The following KRTAP1-3 variants were observed in gnomAD, a reference collection of about 807,000 sequenced individuals.
KRTAP1-3 encodes the protein keratin associated protein 1-3, also known as keratin-associated protein 1-3.
A neutral mutation model predicts 11.8 loss-of-function variants in KRTAP1-3; 10 were observed. The observed-to-expected ratio is 0.85, with a 90% CI of 0.52 to 1.44. The LOEUF is 1.44. Among genes scored for constraint, KRTAP1-3 ranks in the 40% most tolerant of loss-of-function variants. The probability of loss-of-function intolerance (pLI) is 0.00; values close to 1 mark genes in which losing one functional copy is unlikely to be tolerated. For missense variants in KRTAP1-3, 176 were observed against 217.2 expected, an observed-to-expected ratio of 0.81 and a Z score of 1.19; for synonymous variants, 74 against 77.3, an observed-to-expected ratio of 0.96 and a Z score of 0.23.
In KRTAP1-3 at chr17:41,034,575, T is replaced by C. The variant is rs757647380; in HGVS notation, c.247A>G (p.Thr83Ala). Residue 83 changes from threonine (T) to alanine (A), a missense_variant, in exon 1 of 1, where the codon ACT becomes GCT. Physicochemically the swap from Thr to Ala is moderately conservative, Grantham distance 58. Transcript: ENST00000344363. The stretch of plus-strand genomic sequence containing the variant: ...ATGCCACCACCAATGCCACAGCCAG[T>C]TCCGCAGGAGCTGGTCTGGCAGCAG... ...PSCCQTSSCG[T>A]GCGIGGGIGY... is the part of the protein sequence containing the mutation. 1 of 1,612,408 alleles carries C rather than the reference T, an allele frequency of 6.2e-7. No individual in the cohort carries two copies. Among genetic ancestry groups the C allele is most frequent in the Non-Finnish European group, 8.5e-7 (1 of 1,179,782 alleles).
In KRTAP1-3 at chr17:41,034,707, A is replaced by G. The variant is rs768217715; in HGVS notation, c.115T>C (p.Cys39Arg). Reference protein sequence around the residue: ...CCETSCCQPSCCQTSFCGFPS... With the variant: ...CCETSCCQPSRCQTSFCGFPS... The stretch of plus-strand genomic sequence containing the variant: ...AATCCGCAGAAGCTGGTCTGGCAGC[A>G]GCTTGGCTGGCAGCAGCTGGTCTCA... The change falls in exon 1 of 1, where the codon TGC (cysteine) becomes CGC (arginine). Residue 39 changes from cysteine to arginine, a missense_variant. By Grantham distance (180) the Cys-to-Arg change is radical. Coordinates refer to ENST00000344363, the MANE Select transcript of KRTAP1-3 (RefSeq NM_030966.2). The G allele has an allele frequency of 6.2e-7, 1 of 1,610,412 alleles. No individual in the cohort carries two copies. The highest frequency in any genetic ancestry group is 8.5e-7 in the Non-Finnish European group (1 of 1,178,382).
At position 41,034,207 on chromosome 17, in the gene KRTAP1-3, C is replaced by G; in HGVS notation, c.*111G>C. On this transcript the variant is annotated 3_prime_UTR_variant, in exon 1 of 1. Transcript: ENST00000344363. Reference sequence around the variant, plus strand: ...TATTTGGTAACCCCCATAAGAAAGACAAAGAAAGGTTGAAGAATTTGTTCG... The same window carrying G: ...TATTTGGTAACCCCCATAAGAAAGAGAAAGAAAGGTTGAAGAATTTGTTCG... The G allele has an allele frequency of 7.2e-7, 1 of 1,383,114 alleles. No individual in the cohort carries two copies. The highest frequency in any genetic ancestry group is 9.7e-7 in the Non-Finnish European group (1 of 1,032,716). The allele number at this position is 1,383,114 out of a possible 1,614,324, so 85.7% of individuals were successfully genotyped here. A position where few individuals can be genotyped will look rare whatever the true frequency, so the allele number is the denominator to read the frequency against.
In KRTAP1-3 at chr17:41,034,039, T is replaced by G; in HGVS notation, c.*279A>C. ...CTCGTCGGCGCTGAGACTCAGAGCG[T>G]GGGCTTCAATGCTTGCAAAGGCTCA... On this transcript the variant is annotated 3_prime_UTR_variant, in exon 1 of 1. Coordinates refer to ENST00000344363, the MANE Select transcript of KRTAP1-3 (RefSeq NM_030966.2). 1 of 464,834 alleles carries G rather than the reference T, an allele frequency of 2.2e-6. No homozygotes were observed. The highest frequency in any genetic ancestry group is 3.7e-6 in the Non-Finnish European group (1 of 269,102). 28.8% of individuals were successfully genotyped at this position (464,834 alleles called of 1,614,324 possible).
Position 41,034,117 on chromosome 17 carries a change from G to T in KRTAP1-3, c.*201C>A. ...TCTTGGGTCAAATTTGTATTTTGGC[G>T]TCCTCAGAGAGAAGAGTAAGGTCTT... is the stretch of plus-strand genomic sequence containing the variant. On this transcript the variant is annotated 3_prime_UTR_variant, in exon 1 of 1. Transcript: ENST00000344363. 1 of 709,848 alleles carries T rather than the reference G, an allele frequency of 1.4e-6. No homozygotes were observed. The highest frequency in any genetic ancestry group is 2.1e-6 in the Non-Finnish European group (1 of 466,354). 44.0% of individuals were successfully genotyped at this position (709,848 alleles called of 1,614,324 possible).
In KRTAP1-3 at chr17:41,034,388, C is replaced by T. The variant is rs757202386; in HGVS notation, c.434G>A (p.Arg145His). 25 of 1,611,784 alleles carry T rather than the reference C, an allele frequency of 1.6e-5. No homozygotes were observed. Among genetic ancestry groups the T allele is most frequent in the East Asian group, 6.7e-5 (3 of 44,860 alleles). ...GCAGGACTGTCCACAGTAGGATGGG[C>T]GGCAGCAGGAGGCCTCGGCGTGGTG... Reference protein sequence around the residue: ...QLHHAEASCCRPSYCGQSCCR... With the variant: ...QLHHAEASCCHPSYCGQSCCR... The change falls in exon 1 of 1, where the codon CGC (arginine) becomes CAC (histidine). Residue 145 changes from arginine to histidine, a missense_variant. Transcript: ENST00000344363.
Position 41,034,801 on chromosome 17 carries a change from G to A in KRTAP1-3, c.21C>T (p.Ser7=). The A allele has an allele frequency of 2.5e-6, 4 of 1,607,076 alleles. No individual in the cohort carries two copies. The highest frequency in any genetic ancestry group is 3.4e-6 in the Non-Finnish European group (4 of 1,177,156). ...TGGAGCAGCTGGGATATCCACAGAAGCTGGTCTGGCAGCAGGTCATGGTGT... is the reference window on the plus strand; with the variant it reads ...TGGAGCAGCTGGGATATCCACAGAAACTGGTCTGGCAGCAGGTCATGGTGT... MTCCQT[S]FCGYPSCSTS... Residue 7 remains serine, a synonymous_variant, in exon 1 of 1, where the codon AGC becomes AGT. Transcript: ENST00000344363.
chr17:41,034,538 T>A lies in KRTAP1-3; in HGVS notation c.284A>T (p.Gln95Leu), dbSNP rs2012522102. The A allele has an allele frequency of 6.2e-7, 1 of 1,612,046 alleles. No homozygotes were observed. The change falls in exon 1 of 1, where the codon CAG becomes CTG. Residue 95 changes from glutamine (Q) to leucine (L), a missense_variant. Coordinates refer to ENST00000344363, the MANE Select transcript of KRTAP1-3 (RefSeq NM_030966.2). ...CGIGGGIGYG[Q>L]EGSSGAVSTR... Reference sequence around the variant, plus strand: ...GCTCACAGCTCCACTGCTGCCCTCCTGGCCATAGCCAATGCCACCACCAAT... The same window carrying A: ...GCTCACAGCTCCACTGCTGCCCTCCAGGCCATAGCCAATGCCACCACCAAT...
At position 41,034,769 on chromosome 17, in the gene KRTAP1-3, C is replaced by G. The variant is rs755496349; in HGVS notation, c.53G>C (p.Gly18Ala). 1 of 1,611,076 alleles carries G rather than the reference C, an allele frequency of 6.2e-7. No homozygotes were observed. Among genetic ancestry groups the G allele is most frequent in the South Asian group, 1.1e-5 (1 of 90,692 alleles). The change falls in exon 1 of 1, where the codon GGG becomes GCG. Residue 18 changes from glycine to alanine, a missense_variant. Transcript: ENST00000344363. ...FCGYPSCSTS[G>A]TCGSSCCQPS... ...CTGGCAGCAGCTGGAGCCGCATGTC[C>G]CACTGGTGGAGCAGCTGGGATATCC...
In KRTAP1-3 at chr17:41,034,306, G is replaced by C. The variant is rs957957869; in HGVS notation, c.*12C>G. The C allele has an allele frequency of 7.2e-6, 11 of 1,534,290 alleles. No individual in the cohort carries two copies. In the African/African-American group the frequency reaches 1.2e-4, roughly 17 times the overall value. On this transcript the variant is annotated 3_prime_UTR_variant, in exon 1 of 1. Transcript: ENST00000344363. ...AGTGGAAATTTCAAGTTGAAAATCA[G>C]CAAACTGGCTTTTAGCAGGTGGGCT...
Position 41,034,711 on chromosome 17 carries a change from T to A in KRTAP1-3, c.111A>T (p.Pro37=). 1 of 1,609,828 alleles carries A rather than the reference T, an allele frequency of 6.2e-7. No homozygotes were observed. The highest frequency in any genetic ancestry group is 8.5e-7 in the Non-Finnish European group (1 of 1,178,242). ...PSCCETSCCQ[P]SCCQTSFCGF... ...CGCAGAAGCTGGTCTGGCAGCAGCTTGGCTGGCAGCAGCTGGTCTCACAGC... is the reference window on the plus strand; with the variant it reads ...CGCAGAAGCTGGTCTGGCAGCAGCTAGGCTGGCAGCAGCTGGTCTCACAGC... Residue 37 remains proline, a synonymous_variant, in exon 1 of 1, where the codon CCA becomes CCT. Transcript: ENST00000344363.
At position 41,033,960 on chromosome 17, in the gene KRTAP1-3, C is replaced by T. The variant is rs538659703; in HGVS notation, c.*358G>A. 1.9e-4 allele frequency: 53 copies of T among 276,532 alleles called. No homozygotes were observed. Among genetic ancestry groups the T allele is most frequent in the African/African-American group, 4.8e-4 (22 of 45,626 alleles). The allele number at this position is 276,532 out of a possible 1,614,324, so 17.1% of individuals were successfully genotyped here. On this transcript the variant is annotated 3_prime_UTR_variant, in exon 1 of 1. Transcript: ENST00000344363. ...TTCATAGGGGGTGCAATTTGCAGGA[C>T]GGTGGGATACAGGAAGTGAGTGTCC... is the stretch of plus-strand genomic sequence containing the variant.
chr17:41,034,206 A>G lies in KRTAP1-3; in HGVS notation c.*112T>C. On this transcript the variant is annotated 3_prime_UTR_variant, in exon 1 of 1. Transcript: ENST00000344363. ...ATATTTGGTAACCCCCATAAGAAAG[A>G]CAAAGAAAGGTTGAAGAATTTGTTC... 1 of 1,376,136 alleles carries G rather than the reference A, an allele frequency of 7.3e-7. No homozygotes were observed. The highest frequency in any genetic ancestry group is 2.4e-5 in the East Asian group (1 of 41,808). 85.2% of individuals were successfully genotyped at this position (1,376,136 alleles called of 1,614,324 possible). A position where few individuals can be genotyped will look rare whatever the true frequency, so the allele number is the denominator to read the frequency against.
At position 41,034,451 on chromosome 17, in the gene KRTAP1-3, C is replaced by T. The variant is rs541313675; in HGVS notation, c.371G>A (p.Cys124Tyr). 48 of 1,613,794 alleles carry T rather than the reference C, an allele frequency of 3.0e-5. No homozygotes were observed. In the South Asian group the frequency reaches 4.7e-4, roughly 16 times the overall value. ...GGTTGGGGGTGTGCAGCTCACCACA[C>T]AGCAGGGGGGCAGGCAGGTACCCTC... is the stretch of plus-strand genomic sequence containing the variant. Reference protein sequence around the residue: ...RVEGTCLPPCCVVSCTPPTCC... With the variant: ...RVEGTCLPPCYVVSCTPPTCC... Residue 124 changes from cysteine (C) to tyrosine (Y), a missense_variant, in exon 1 of 1, where the codon TGT (cysteine) becomes TAT (tyrosine). Transcript: ENST00000344363.
chr17:41,034,808 T>C lies in KRTAP1-3; in HGVS notation c.14A>G (p.Gln5Arg). The C allele has an allele frequency of 1.2e-6, 2 of 1,612,894 alleles. No homozygotes were observed. The highest frequency in any genetic ancestry group is 1.7e-6 in the Non-Finnish European group (2 of 1,179,700). Reference protein sequence around the residue: MTCCQTSFCGYPSCS... With the variant: MTCCRTSFCGYPSCS... ...GCTGGGATATCCACAGAAGCTGGTC[T>C]GGCAGCAGGTCATGGTGTTGGGAGC... is the stretch of plus-strand genomic sequence containing the variant. The change falls in exon 1 of 1, where the codon CAG (glutamine) becomes CGG (arginine). Residue 5 changes from glutamine (Q) to arginine (R), a missense_variant. Physicochemically the swap from Gln to Arg is conservative, Grantham distance 43 (BLOSUM62 1). Coordinates refer to ENST00000344363, the MANE Select transcript of KRTAP1-3 (RefSeq NM_030966.2).
chr17:41,034,270 A>C lies in KRTAP1-3; in HGVS notation c.*48T>G. The C allele has an allele frequency of 6.6e-7, 1 of 1,520,920 alleles. No individual in the cohort carries two copies. The highest frequency in any genetic ancestry group is 8.8e-7 in the Non-Finnish European group (1 of 1,134,380). The allele number at this position is 1,520,920 out of a possible 1,614,324, so 94.2% of individuals were successfully genotyped here. Reference sequence around the variant, plus strand: ...GCTTGAAGAAATAATTCGTTCATGAATGGAACTGAAAGTGGAAATTTCAAG... The same window carrying C: ...GCTTGAAGAAATAATTCGTTCATGACTGGAACTGAAAGTGGAAATTTCAAG... On this transcript the variant is annotated 3_prime_UTR_variant, in exon 1 of 1. Coordinates refer to ENST00000344363, the MANE Select transcript of KRTAP1-3 (RefSeq NM_030966.2).
rs774180166 is a variant in KRTAP1-3 at position 41,034,601 on chromosome 17, C to A, written c.221G>T (p.Ser74Ile). Residue 74 changes from serine to isoleucine, a missense_variant, in exon 1 of 1, where the codon AGC (serine) becomes ATC (isoleucine). Physicochemically the swap from Ser to Ile is moderately radical, Grantham distance 142. Coordinates refer to ENST00000344363, the MANE Select transcript of KRTAP1-3 (RefSeq NM_030966.2). Reference protein sequence around the residue: ...SCCETSCCQPSCCQTSSCGTG... With the variant: ...SCCETSCCQPICCQTSSCGTG... ...TCCGCAGGAGCTGGTCTGGCAGCAG[C>A]TTGGCTGGCAGCAGCTGGTCTCACA... 1.2e-5 allele frequency: 20 copies of A among 1,613,244 alleles called. No homozygotes were observed. The East Asian group carries it at 4.2e-4, about 34-fold the overall frequency.
chr17:41,034,667 G>C lies in KRTAP1-3; in HGVS notation c.155C>G (p.Thr52Ser). ...GCAACTGGAGCTGCAGGTCCCACTA[G>C]TTGAGAAGCTAGGAAATCCGCAGAA... ...TSFCGFPSFSTSGTCSSSCCQ... is the reference protein window; with the variant it reads ...TSFCGFPSFSSSGTCSSSCCQ... Residue 52 changes from threonine (T) to serine (S), a missense_variant, in exon 1 of 1, where the codon ACT (threonine) becomes AGT (serine). Physicochemically the swap from Thr to Ser is moderately conservative, Grantham distance 58. Coordinates refer to ENST00000344363, the MANE Select transcript of KRTAP1-3 (RefSeq NM_030966.2). 1 of 1,479,222 alleles carries C rather than the reference G, an allele frequency of 6.8e-7. No homozygotes were observed. Among genetic ancestry groups the C allele is most frequent in the East Asian group, 2.7e-5 (1 of 37,316 alleles). 91.6% of individuals were successfully genotyped at this position (1,479,222 alleles called of 1,614,324 possible).
rs768835932 is a variant in KRTAP1-3, at chr17:41,034,398, A to C, written c.424T>G (p.Ser142Ala). The change falls in exon 1 of 1, where the codon TCC becomes GCC. Residue 142 changes from serine (S) to alanine (A), a missense_variant. By Grantham distance (99) the Ser-to-Ala change is moderately conservative. Transcript: ENST00000344363. ...CCACAGTAGGATGGGCGGCAGCAGG[A>C]GGCCTCGGCGTGGTGCAGCTGGCAG... ...TCCQLHHAEA[S>A]CCRPSYCGQS... The C allele has an allele frequency of 6.1e-5, 99 of 1,613,040 alleles. No homozygotes were observed. Among genetic ancestry groups the C allele is most frequent in the Non-Finnish European group, 7.7e-5 (91 of 1,179,388 alleles).
Position 41,034,345 on chromosome 17 carries a change from G to A in KRTAP1-3, c.477C>T (p.Cys159=). The A allele has an allele frequency of 1.3e-6, 2 of 1,587,416 alleles. No homozygotes were observed. Among genetic ancestry groups the A allele is most frequent in the Non-Finnish European group, 1.7e-6 (2 of 1,162,862 alleles). Residue 159 remains cysteine (C), a synonymous_variant, in exon 1 of 1, where the codon TGC becomes TGT. Transcript: ENST00000344363. ...CGQSCCRPVC[C]CYSCEPTC Reference sequence around the variant, plus strand: ...AGCAGGTGGGCTCACAGGAGTAGCAGCAGCAGACTGGGCGGCAGCAGGACT... The same window carrying A: ...AGCAGGTGGGCTCACAGGAGTAGCAACAGCAGACTGGGCGGCAGCAGGACT...
Sources: allele counts gnomAD v4.1 joint callset, GRCh38; gene constraint gnomAD v4.1.1; transcripts MANE v1.5; gene names NCBI Gene and HGNC (gene_info 2026-07-23, HGNC 2026-07-21).